Variants in SEC24C observed in about 807,000 individuals in gnomAD.
The protein encoded by SEC24C is SEC24 homolog C, COPII component.
SEC24C carries 22 observed loss-of-function variants against 117.0 expected under a neutral mutation model. The ratio of observed to expected loss-of-function variants is 0.19; its 90% CI spans 0.13 to 0.27. The LOEUF is 0.27. Ranked by LOEUF, SEC24C falls within the 10% of genes least tolerant of loss-of-function variation. SEC24C has a pLI of 1.00. For missense variants in SEC24C, 1,155 were observed against 1,375.1 expected (o/e 0.84, Z 2.53); for synonymous variants, 506 against 529.4 (o/e 0.96, Z 0.61).
At chr10:73,757,598 T>G (rs1220288183) in intron 3 of SEC24C, among the ~76,000 whole-genome samples, 1 of 151,212 alleles carries the variant, frequency 6.6e-6, no homozygotes, top group African/African-American at 2.4e-5. Flanking sequence ...CAACCACACC[T>G]CAGTCCGGGC....
In SEC24C at chr10:73,769,077, A is replaced by C. The variant is rs1382918230; in HGVS notation, c.2349A>C (p.Leu783=). 6.2e-7 allele frequency: 1 copy of C among 1,614,144 alleles called. No individual in the cohort carries two copies. Among genetic ancestry groups the C allele is most frequent in the Admixed American group, 1.7e-5 (1 of 60,010 alleles). Residue 783 remains leucine, a synonymous_variant, in exon 17 of 23, where the codon CTA becomes CTC. Transcript: ENST00000345254. This position sits in a 1 kb window ranked among gnomAD's most constrained non-coding sequence, Gnocchi z 4.5. ...CGACAGATGTGGAGCTGGCTGGGCT[A>C]GATGGGGACAAAACAGTGACTGTGG... The part of the protein sequence containing the change: ...SNTTDVELAG[L]DGDKTVTVEF...
Position 73,771,748 on chromosome 10 carries a change from C to T in SEC24C, c.*653C>T, listed in dbSNP as rs1443804199. On this transcript the variant is annotated 3_prime_UTR_variant, in exon 23 of 23. Transcript: ENST00000345254. ...AATATATTAAGATCTGGTAGAGGTA[C>T]CAGCTTCCTTTCCAGCTGGAGAGGC... is the stretch of plus-strand genomic sequence containing the variant. 6.5e-6 allele frequency: 1 copy of T among 153,264 alleles called. No homozygotes were observed. The highest frequency in any genetic ancestry group is 2.4e-5 in the African/African-American group (1 of 41,442). 9.5% of individuals were successfully genotyped at this position (153,264 alleles called of 1,614,324 possible).
rs755694888 is a variant in SEC24C at position 73,769,174 on chromosome 10, T to A, written c.2424+22T>A. The A allele has an allele frequency of 1.2e-6, 2 of 1,612,756 alleles. No individual in the cohort carries two copies. The highest frequency in any genetic ancestry group is 1.7e-6 in the Non-Finnish European group (2 of 1,179,486). The stretch of plus-strand genomic sequence containing the variant: ...GCAGGTGGCAGGCGGGAGGCGGGGC[T>A]GGGCAGGAAGTGTTTCATTCGCTTG... On this transcript the variant is annotated intron_variant, in intron 17 of 22. Transcript: ENST00000345254. This position sits in a 1 kb window ranked among gnomAD's most constrained non-coding sequence, Gnocchi z 4.5.
Position 73,763,987 on chromosome 10 carries a change from A to G in SEC24C, c.1227+4A>G. 6.3e-7 allele frequency: 1 copy of G among 1,576,188 alleles called. No individual in the cohort carries two copies. The highest frequency in any genetic ancestry group is 8.6e-7 in the Non-Finnish European group (1 of 1,158,224). ...GGCAAGGCTGCCCCCAGAGGAGGTG[A>G]GTCAGGGAAGGGGCTAGAGTGTAAT... On this transcript the variant is annotated splice_donor_region_variant and intron_variant, in intron 8 of 22. Coordinates refer to ENST00000345254, the MANE Select transcript of SEC24C (RefSeq NM_198597.3).
intron 3 of SEC24C, among the ~76,000 whole-genome samples, chr10:73,756,983 T>C (rs2082719376): frequency 1.5e-5 from 2 of 136,466 alleles, no homozygotes; most frequent in Admixed American, 8.2e-5. Context: ...TGACCTTGGC[T>C]CACTGCAACC....
At chr10:73,758,687 T>A (rs2082749789) in intron 3 of SEC24C, among the ~76,000 whole-genome samples, 1 of 152,380 alleles carries the variant, frequency 6.6e-6, no homozygotes, top group South Asian at 2.1e-4. Context: ...CTGACTTCTT[T>A]AATTTAGCAT....
chr10:73,763,033 A>T (rs147137929), intron 6 of SEC24C, among the ~76,000 whole-genome samples: 2 of 152,242 alleles, frequency 1.3e-5, no homozygotes, highest in African/African-American at 4.8e-5. Context: ...GAGTCATTCC[A>T]GGTAGATTCA....
intron 6 of SEC24C, among the ~76,000 whole-genome samples, chr10:73,762,388 G>A (rs574430194): frequency 6.6e-6 from 1 of 152,330 alleles, no homozygotes; most frequent in Non-Finnish European, 1.5e-5. Context: ...TGAGTATGGG[G>A]TGGTGGAAGG....
chr10:73,762,974 G>A (rs970306319), intron 6 of SEC24C, among the ~76,000 whole-genome samples: 2 of 152,116 alleles, frequency 1.3e-5, no homozygotes, highest in African/African-American at 2.4e-5. Flanking sequence ...ATCATTTCTG[G>A]CTGTTTAAAT....
chr10:73,763,627 C>T, intron 7 of SEC24C, 26 bp downstream of exon 7: 4 of 1,218,184 alleles, frequency 3.3e-6, no homozygotes, highest in Non-Finnish European at 3.5e-6. Context: ...GCTCCTCCCA[C>T]AGGGGCTTTT....
Position 73,760,087 on chromosome 10 carries a change from A to T in SEC24C, c.551A>T (p.Gln184Leu). The T allele has an allele frequency of 6.2e-7, 1 of 1,612,222 alleles. No homozygotes were observed. Among genetic ancestry groups the T allele is most frequent in the Non-Finnish European group, 8.5e-7 (1 of 1,178,494 alleles). Residue 184 changes from glutamine (Q) to leucine (L), a missense_variant, in exon 5 of 23, where the codon CAG (glutamine) becomes CTG (leucine). By Grantham distance (113) the Gln-to-Leu change is moderately radical (BLOSUM62 -2). Transcript: ENST00000345254. ...TCTGGTCTGTATGGCTCCTATCCTC[A>T]GGGCCAGGCTCCTCCCCTTAGCCAG... The part of the protein sequence containing the change: ...PNSGLYGSYP[Q>L]GQAPPLSQAQ...
intron 3 of SEC24C, among the ~76,000 whole-genome samples, chr10:73,756,690 T>C (rs2082715045): frequency 6.6e-6 from 1 of 151,948 alleles, no homozygotes; most frequent in African/African-American, 2.4e-5. Flanking sequence ...AGCCTCTGCC[T>C]CCTGGGTTCA....
rs905319835 is a variant in SEC24C, at chr10:73,771,763, G to T, written c.*668G>T. 1 of 153,380 alleles carries T rather than the reference G, an allele frequency of 6.5e-6. No homozygotes were observed. The highest frequency in any genetic ancestry group is 2.4e-5 in the African/African-American group (1 of 41,472). The allele number at this position is 153,380 out of a possible 1,614,324, so 9.5% of individuals were successfully genotyped here. ...GGTAGAGGTACCAGCTTCCTTTCCA[G>T]CTGGAGAGGCCCCAACACTGGATGG... is the stretch of plus-strand genomic sequence containing the variant. On this transcript the variant is annotated 3_prime_UTR_variant, in exon 23 of 23. Coordinates refer to ENST00000345254, the MANE Select transcript of SEC24C (RefSeq NM_198597.3).
chr10:73,750,470 A>G (rs2082627457), intron 2 of SEC24C, among the ~76,000 whole-genome samples: 1 of 152,206 alleles, frequency 6.6e-6, no homozygotes, highest in Non-Finnish European at 1.5e-5. Flanking sequence ...TTGTGAGGAC[A>G]TAGGTGGCAA....
In SEC24C at chr10:73,769,859, G is replaced by A; in HGVS notation, c.2706G>A (p.Lys902=). The change falls in exon 20 of 23, where the codon AAG becomes AAA. Residue 902 remains lysine, a synonymous_variant. Coordinates refer to ENST00000345254, the MANE Select transcript of SEC24C (RefSeq NM_198597.3). The surrounding 1 kb of genome is among the most constrained non-coding windows in gnomAD (Gnocchi z 4.5). ...AGQLILPECM[K]LLPVYLNCVL... ...AGTTGATCCTTCCTGAGTGCATGAA[G>A]CTACTCCCAGTTTACCTGAACTGTG... is the stretch of plus-strand genomic sequence containing the variant. 1 of 1,614,150 alleles carries A rather than the reference G, an allele frequency of 6.2e-7. No individual in the cohort carries two copies. The highest frequency in any genetic ancestry group is 8.5e-7 in the Non-Finnish European group (1 of 1,180,016).
At chr10:73,746,439 A>G (rs2082554760) in intron 1 of SEC24C, among the ~76,000 whole-genome samples, 1 of 152,198 alleles carries the variant, frequency 6.6e-6, no homozygotes, top group Non-Finnish European at 1.5e-5. Context: ...AAGTGGGAAC[A>G]TTGTTTCTTT....
intron 3 of SEC24C, among the ~76,000 whole-genome samples, chr10:73,756,407 G>A (rs1817779925): frequency 6.6e-6 from 1 of 152,076 alleles, no homozygotes; most frequent in South Asian, 2.1e-4. Context: ...GATAAGGAGT[G>A]CTGTTTCTCT....
intron 8 of SEC24C, among the ~76,000 whole-genome samples, chr10:73,765,224 G>C (rs556359168): frequency 6.6e-6 from 1 of 152,332 alleles, no homozygotes; most frequent in East Asian, 1.9e-4. Flanking sequence ...AGTGAGAAAT[G>C]CAGCTCTGGG....
intron 14 of SEC24C, 60 bp downstream of exon 14, chr10:73,767,230 C>CT: frequency 8.8e-7 from 1 of 1,138,842 alleles, no homozygotes; most frequent in Non-Finnish European, 1.3e-6. Context: ...AGTGGGGACT[C>CT]TACTTTCTTG....
Sources: gnomAD v4.1 joint callset for allele counts (sites outside exome capture counted in the v4.1 genomes callset) on GRCh38, gnomAD v4.1.1 for gene constraint, Gnocchi (gnomAD v3.1) non-coding constraint, MANE v1.5 for transcripts, NCBI Gene and HGNC (gene_info 2026-07-23, HGNC 2026-07-21) for gene names.